RIMS2: variants seen among roughly 807,000 people sequenced by gnomAD.
RIMS2 encodes regulating synaptic membrane exocytosis 2.
In RIMS2, 59 loss-of-function variants were observed where a neutral mutation model predicts 174.4. The ratio of observed to expected loss-of-function variants is 0.34; its 90% CI spans 0.27 to 0.42. RIMS2 has a LOEUF of 0.42. Ranked by LOEUF, RIMS2 falls within the 10% of genes least tolerant of loss-of-function variation. The pLI is 1.00. For missense variants in RIMS2, 1,620 were observed against 1,666.3 expected, an observed-to-expected ratio of 0.97 and a Z score of 0.48; for synonymous variants, 606 against 572.5, an observed-to-expected ratio of 1.06 and a Z score of -0.84.
chr8:103,522,941 A>G (rs58222629), intron 1 of RIMS2, among the ~76,000 whole-genome samples: 7,330 of 152,216 alleles, frequency 0.048, 589 homozygotes, highest in African/African-American at 0.17. Context: ...CACTTTGTTT[A>G]AAGAGTTTCA....
At chr8:104,039,834 A>AT (rs2096579569) in intron 19 of RIMS2, among the ~76,000 whole-genome samples, 2 of 151,710 alleles carry the variant, frequency 1.3e-5, no homozygotes. Context: ...GTGTATTAGT[A>AT]TATTTCTGGA....
At position 103,989,424 on chromosome 8, in the gene RIMS2, A is replaced by G; in HGVS notation, c.3044+3A>G. ...CATTATTCTCCAGATAGAGACAGGT[A>G]AATATGATTAAATACTATTAGACCT... is the stretch of plus-strand genomic sequence containing the variant. On this transcript the variant is annotated splice_donor_region_variant and intron_variant, in intron 17 of 23. Transcript: ENST00000504942. The G allele has an allele frequency of 7.3e-7, 1 of 1,361,640 alleles. No individual in the cohort carries two copies. The highest frequency in any genetic ancestry group is 1.4e-5 in the African/African-American group (1 of 70,020). 84.3% of individuals were successfully genotyped at this position (1,361,640 alleles called of 1,614,324 possible).
chr8:104,159,455 G>A lies in RIMS2; in HGVS notation c.3335-85461G>A, dbSNP rs189690641. Reference sequence around the variant, plus strand: ...AAGAAAGTCAGTGGCAGCTTGATGGGGATAGCATTGAACCTATAAATTACC... The same window carrying A: ...AAGAAAGTCAGTGGCAGCTTGATGGAGATAGCATTGAACCTATAAATTACC... On this transcript the variant is annotated intron_variant, in intron 19 of 23. Transcript: ENST00000504942. Among the ~76,000 whole-genome samples the A allele has an allele frequency of 3.3e-3, 501 of 152,240 alleles. 4 individuals are homozygous for A. The highest frequency in any genetic ancestry group is 0.011 in the African/African-American group (460 of 41,542).
intron 1 of RIMS2, among the ~76,000 whole-genome samples, chr8:103,577,020 G>T (rs1349266400): frequency 6.6e-6 from 1 of 152,166 alleles, no homozygotes; most frequent in African/African-American, 2.4e-5. Flanking sequence ...CATGGGCAAA[G>T]ACTTTATGAC....
chr8:103,665,179 G>C (rs547182162), intron 1 of RIMS2, among the ~76,000 whole-genome samples: 1 of 152,192 alleles, frequency 6.6e-6, no homozygotes, highest in African/African-American at 2.4e-5. Context: ...TAAAGTAAAT[G>C]ACAAGTTGAT....
At chr8:104,213,744 GCAC>G (rs1261528490) in intron 19 of RIMS2, among the ~76,000 whole-genome samples, 2 of 151,984 alleles carry the variant, frequency 1.3e-5, no homozygotes, top group African/African-American at 4.8e-5. Context: ...GGGCGTGGTG[GCAC>G]GCGCCTGTAG....
At chr8:103,793,715 A>G (rs184417625) in intron 3 of RIMS2, among the ~76,000 whole-genome samples, 6 of 152,338 alleles carry the variant, frequency 3.9e-5, no homozygotes, top group East Asian at 3.9e-4. Flanking sequence ...CCTTAAGCTG[A>G]TAAGCAACTT....
chr8:103,682,048 T>A (rs2096886576), intron 1 of RIMS2, among the ~76,000 whole-genome samples: 1 of 152,080 alleles, frequency 6.6e-6, no homozygotes, highest in Admixed American at 6.6e-5. Context: ...TATAATTGAA[T>A]GGTGGCACCA....
chr8:103,617,606 T>C (rs1179927654), intron 1 of RIMS2, among the ~76,000 whole-genome samples: 1 of 152,150 alleles, frequency 6.6e-6, no homozygotes, highest in Non-Finnish European at 1.5e-5. Flanking sequence ...TTGCAGAGTG[T>C]GCATCTGACG....
chr8:104,148,004 A>G (rs959551803), intron 19 of RIMS2, among the ~76,000 whole-genome samples: 4 of 151,816 alleles, frequency 2.6e-5, no homozygotes, highest in Admixed American at 2.0e-4. Context: ...TTTTTGTAAT[A>G]TAGATTTATA....
chr8:103,857,627 A>T (rs2099035180), intron 3 of RIMS2, among the ~76,000 whole-genome samples: 1 of 152,134 alleles, frequency 6.6e-6, no homozygotes, highest in African/African-American at 2.4e-5. Context: ...CATGAGATAC[A>T]CAATATTTAA....
At position 103,510,429 on chromosome 8, in the gene RIMS2, A is replaced by G. The variant is rs529559111; in HGVS notation, c.176+9367A>G. On this transcript the variant is annotated intron_variant, in intron 1 of 23. Coordinates refer to ENST00000504942, the Ensembl canonical transcript of RIMS2. Reference sequence around the variant, plus strand: ...TTCTATTAGCACACTTATTTTTCTCACTGGGCCAAAATCTAGGTGTAGGTA... The same window carrying G: ...TTCTATTAGCACACTTATTTTTCTCGCTGGGCCAAAATCTAGGTGTAGGTA... 1.6e-3 allele frequency among the ~76,000 whole-genome samples: 246 copies of G among 152,260 alleles called. 5 individuals carry two copies. Among genetic ancestry groups the G allele is most frequent in the Middle Eastern group, 6.8e-3 (2 of 294 alleles).
intron 1 of RIMS2, among the ~76,000 whole-genome samples, chr8:103,531,262 A>G (rs765108295): frequency 9.2e-5 from 14 of 152,120 alleles, no homozygotes; most frequent in East Asian, 1.9e-4. Flanking sequence ...CATCTCCTAT[A>G]TTATAAGGCA....
chr8:104,048,520 AG>A (rs914786864), intron 19 of RIMS2, among the ~76,000 whole-genome samples: 4 of 152,202 alleles, frequency 2.6e-5, no homozygotes. Flanking sequence ...ATATAAATGA[AG>A]AACCTTAAAA....
chr8:103,588,100 A>G (rs2094058639), intron 1 of RIMS2, among the ~76,000 whole-genome samples: 2 of 152,104 alleles, frequency 1.3e-5, no homozygotes, highest in Admixed American at 6.6e-5. Context: ...TAGCATTGCT[A>G]TATGCCAACA....
chr8:104,067,145 T>C lies in RIMS2; in HGVS notation c.3334+52530T>C, dbSNP rs80138958. On this transcript the variant is annotated intron_variant, in intron 19 of 23. Coordinates refer to ENST00000504942, the Ensembl canonical transcript of RIMS2. ...AAGTATTAAAATACCTATTTTTTAA[T>C]AGGCACGCTTACGTCTAGCTGTCTT... 3.1e-3 allele frequency among the ~76,000 whole-genome samples: 473 copies of C among 152,268 alleles called. 6 individuals are homozygous for C. The highest frequency in any genetic ancestry group is 0.011 in the African/African-American group (459 of 41,552).
intron 19 of RIMS2, among the ~76,000 whole-genome samples, chr8:104,153,794 G>T (rs1418538330): frequency 6.6e-6 from 1 of 151,588 alleles, no homozygotes; most frequent in African/African-American, 2.4e-5. Context: ...AACCATTAAA[G>T]GAAAAACAAA....
At chr8:103,880,366 A>G (rs1197046749) in intron 3 of RIMS2, 5 of 253,796 alleles carry the variant, frequency 2.0e-5, no homozygotes, top group African/African-American at 6.7e-5. Context: ...CTTACAGGGT[A>G]CATTCTTACT....
intron 15 of RIMS2, among the ~76,000 whole-genome samples, chr8:103,966,988 T>C (rs892490071): frequency 1.1e-4 from 16 of 151,964 alleles, no homozygotes; most frequent in African/African-American, 3.6e-4. Context: ...TTTGCTAAGG[T>C]GTGTTTTATG....
Sources: allele counts gnomAD v4.1 joint callset (sites outside exome capture counted in the v4.1 genomes callset), GRCh38; gene constraint gnomAD v4.1.1; transcripts MANE v1.5; gene names NCBI Gene and HGNC (gene_info 2026-07-23, HGNC 2026-07-21).